The following AGAP1 variants were observed in gnomAD, a reference collection of about 807,000 sequenced individuals.
The protein encoded by AGAP1 is arf-GAP with GTPase, ANK repeat and PH domain-containing protein 1.
Under a neutral mutation model 105.3 loss-of-function variants are expected in AGAP1, and 29 were observed. The ratio of observed to expected loss-of-function variants is 0.28; its 90% CI spans 0.21 to 0.38. The LOEUF is 0.38. Among genes scored for constraint, AGAP1 ranks in the 10% least tolerant of loss-of-function variants. AGAP1 has a pLI of 1.00. For synonymous variants in AGAP1, 509 were observed against 485.9 expected (o/e 1.05, Z -0.63); for missense variants, 998 against 1,165.1 (o/e 0.86, Z 2.09).
intron 1 of AGAP1, among the ~76,000 whole-genome samples, chr2:235,571,738 T>C: frequency 6.6e-6 from 1 of 151,936 alleles, no homozygotes; most frequent in East Asian, 1.9e-4. Context: ...TAGTCAGTGC[T>C]CAATGAAGGG....
chr2:235,546,632 C>T (rs1943629782), intron 1 of AGAP1, among the ~76,000 whole-genome samples: 1 of 151,980 alleles, frequency 6.6e-6, no homozygotes. Context: ...GGGGACGTGG[C>T]TGGCGTGGTG....
intron 1 of AGAP1, among the ~76,000 whole-genome samples, chr2:235,527,223 C>T (rs1942873646): frequency 6.6e-6 from 1 of 152,142 alleles, no homozygotes; most frequent in Non-Finnish European, 1.5e-5. Flanking sequence ...ATTGGCCAGG[C>T]AAGCATCTCA....
intron 13 of AGAP1, among the ~76,000 whole-genome samples, chr2:236,013,474 G>A (rs2056588362): frequency 1.3e-5 from 2 of 152,182 alleles, no homozygotes; most frequent in African/African-American, 2.4e-5. Context: ...TCAGGAACAC[G>A]TTGGGGTTGA....
chr2:236,036,415 T>C lies in AGAP1; in HGVS notation c.1646-146T>C. On this transcript the variant is annotated intron_variant, in intron 13 of 17. Coordinates refer to ENST00000304032, the MANE Select transcript of AGAP1 (RefSeq NM_001037131.3). The surrounding 1 kb of genome is among the most constrained non-coding windows in gnomAD (Gnocchi z 5.7). The stretch of plus-strand genomic sequence containing the variant: ...GTTGGGAGGTGCATGGATTCAAATC[T>C]CCGCCGCCGTGGTTGTCCAGTGCCG... The C allele has an allele frequency of 9.4e-7, 1 of 1,068,726 alleles. No individual in the cohort carries two copies. The highest frequency in any genetic ancestry group is 1.6e-5 in the African/African-American group (1 of 62,862). 66.2% of individuals were successfully genotyped at this position (1,068,726 alleles called of 1,614,324 possible). A position where few individuals can be genotyped will look rare whatever the true frequency, so the allele number is the denominator to read the frequency against.
chr2:235,629,366 C>T (rs1215616124), intron 1 of AGAP1, among the ~76,000 whole-genome samples: 1 of 151,426 alleles, frequency 6.6e-6, no homozygotes, highest in African/African-American at 2.4e-5. Flanking sequence ...ATTGATGCCA[C>T]TGCCCATCTC....
At chr2:235,630,040 A>T (rs919074422) in intron 1 of AGAP1, among the ~76,000 whole-genome samples, 2 of 151,644 alleles carry the variant, frequency 1.3e-5, no homozygotes, top group South Asian at 4.2e-4. Context: ...ATTACATTTA[A>T]TTTTTTTTTC....
chr2:236,104,052 C>A lies in AGAP1; in HGVS notation c.2115-16140C>A, dbSNP rs1282402809. On this transcript the variant is annotated intron_variant, in intron 16 of 17. Coordinates refer to ENST00000304032, the MANE Select transcript of AGAP1 (RefSeq NM_001037131.3). The surrounding 1 kb of genome is among the most constrained non-coding windows in gnomAD (Gnocchi z 4.7). Reference sequence around the variant, plus strand: ...CGGGTAGGGAAATTGAATATTCAAACCCAGGCCTGCAGCAATGTGAAACCT... The same window carrying A: ...CGGGTAGGGAAATTGAATATTCAAAACCAGGCCTGCAGCAATGTGAAACCT... Among the ~76,000 whole-genome samples the A allele has an allele frequency of 6.6e-6, 1 of 152,180 alleles. No individual in the cohort carries two copies. Among genetic ancestry groups the A allele is most frequent in the Non-Finnish European group, 1.5e-5 (1 of 68,032 alleles).
intron 1 of AGAP1, among the ~76,000 whole-genome samples, chr2:235,562,222 A>AT (rs1309202309): frequency 6.6e-6 from 1 of 151,976 alleles, no homozygotes; most frequent in South Asian, 2.1e-4. Flanking sequence ...CTGTACCTTT[A>AT]TTTTCTCATG....
In AGAP1 at chr2:235,963,460, G is replaced by A. The variant is rs185415926; in HGVS notation, c.1484-5002G>A. Among the ~76,000 whole-genome samples, 1 of 152,274 alleles carries A rather than the reference G, an allele frequency of 6.6e-6. No individual in the cohort carries two copies. Among genetic ancestry groups the A allele is most frequent in the Non-Finnish European group, 1.5e-5 (1 of 68,020 alleles). ...ACAGAGGTAGTTTATTAAAGAGAAT[G>A]AATAGACATCAAATAGATGGCCCTT... On this transcript the variant is annotated intron_variant, in intron 12 of 17. Transcript: ENST00000304032. This position sits in a 1 kb window ranked among gnomAD's most constrained non-coding sequence, Gnocchi z 5.1.
chr2:235,771,997 AT>A (rs145021553), intron 6 of AGAP1, among the ~76,000 whole-genome samples: 41 of 131,680 alleles, frequency 3.1e-4, no homozygotes, highest in East Asian at 1.1e-3. Flanking sequence ...TTCTTTTCTT[AT>A]CTTTTTTTTT....
At position 235,789,067 on chromosome 2, in the gene AGAP1, G is replaced by A. The variant is rs142553815; in HGVS notation, c.674-8692G>A. 8.0e-3 allele frequency among the ~76,000 whole-genome samples: 1,217 copies of A among 152,320 alleles called. 8 individuals carry two copies. Among genetic ancestry groups the A allele is most frequent in the Non-Finnish European group, 0.01 (708 of 68,036 alleles). ...GTGCTTTGAAGGAGTGCATGGAAGA[G>A]GAAGGGATGTGTGTTTCCTGCAGCG... On this transcript the variant is annotated intron_variant, in intron 6 of 17. Coordinates refer to ENST00000304032, the MANE Select transcript of AGAP1 (RefSeq NM_001037131.3). This position sits in a 1 kb window ranked among gnomAD's most constrained non-coding sequence, Gnocchi z 4.2.
rs1051256467 is a variant in AGAP1, at chr2:235,655,852, C to G, written c.164-53327C>G. Among the ~76,000 whole-genome samples the G allele has an allele frequency of 2.0e-5, 3 of 152,126 alleles. No individual in the cohort carries two copies. On this transcript the variant is annotated intron_variant, in intron 1 of 17. Coordinates refer to ENST00000304032, the MANE Select transcript of AGAP1 (RefSeq NM_001037131.3). This position sits in a 1 kb window ranked among gnomAD's most constrained non-coding sequence, Gnocchi z 4.3. Reference sequence around the variant, plus strand: ...GTATTTTTTTAAGTGAGGCACCATCCTGGATGCTGGGGAAGAATCTTTGTT... The same window carrying G: ...GTATTTTTTTAAGTGAGGCACCATCGTGGATGCTGGGGAAGAATCTTTGTT...
In AGAP1 at chr2:235,535,451, C is replaced by G. The variant is rs770896241; in HGVS notation, c.163+40602C>G. ...TCACTGCCCTTTTTCTTTTTCCCAT[C>G]GAGGTGCAGGAGGAATTGATCTTAG... On this transcript the variant is annotated intron_variant, in intron 1 of 17. Transcript: ENST00000304032. This position sits in a 1 kb window ranked among gnomAD's most constrained non-coding sequence, Gnocchi z 5.1. 2.7e-5 allele frequency among the ~76,000 whole-genome samples: 4 copies of G among 150,910 alleles called. No homozygotes were observed. Among genetic ancestry groups the G allele is most frequent in the Non-Finnish European group, 4.4e-5 (3 of 67,860 alleles).
At chr2:235,516,055 T>TCTGCTG (rs112761133) in intron 1 of AGAP1, among the ~76,000 whole-genome samples, 61,610 of 138,422 alleles carry the variant, frequency 0.45, 13,681 homozygotes, top group Admixed American at 0.56. Context: ...CATGGGCTCC[T>TCTGCTG]CTGCTGCTGC....
In AGAP1 at chr2:235,702,934, G is replaced by GTTTTTTTTTT. The variant is rs549844265; in HGVS notation, c.164-6242_164-6233dup. 6.4e-4 allele frequency among the ~76,000 whole-genome samples: 57 copies of GTTTTTTTTTT among 88,954 alleles called. 8 individuals are homozygous for GTTTTTTTTTT. The highest frequency in any genetic ancestry group is 1.3e-3 in the South Asian group (2 of 1,496). 58.4% of individuals were successfully genotyped at this position (88,954 alleles called of 152,430 possible). ...TGGTCACTGTGAGCCAGTTTTCTTG[G>GTTTTTTTTTT]TTTTTTTTTTTTGGACAGAGTCTGG... On this transcript the variant is annotated intron_variant, in intron 1 of 17. Coordinates refer to ENST00000304032, the MANE Select transcript of AGAP1 (RefSeq NM_001037131.3).
At position 235,625,970 on chromosome 2, in the gene AGAP1, A is replaced by G. The variant is rs931722294; in HGVS notation, c.164-83209A>G. ...AATATTAGCAGAGCTATTTGTAAAAATAATGCACAGGCATTTGCTGCTGTA... is the reference window on the plus strand; with the variant it reads ...AATATTAGCAGAGCTATTTGTAAAAGTAATGCACAGGCATTTGCTGCTGTA... On this transcript the variant is annotated intron_variant, in intron 1 of 17. Transcript: ENST00000304032. This position sits in a 1 kb window ranked among gnomAD's most constrained non-coding sequence, Gnocchi z 4.0. Among the ~76,000 whole-genome samples, 1 of 152,210 alleles carries G rather than the reference A, an allele frequency of 6.6e-6. No homozygotes were observed. The highest frequency in any genetic ancestry group is 2.4e-5 in the African/African-American group (1 of 41,450).
intron 9 of AGAP1, among the ~76,000 whole-genome samples, chr2:235,815,841 G>A (rs978104987): frequency 2.0e-5 from 3 of 152,186 alleles, no homozygotes; most frequent in South Asian, 2.1e-4. Context: ...TACCAGGTGC[G>A]TAGCTCTCAC....
At chr2:235,512,237 G>GT (rs1216181958) in intron 1 of AGAP1, among the ~76,000 whole-genome samples, 1 of 152,236 alleles carries the variant, frequency 6.6e-6, no homozygotes, top group Non-Finnish European at 1.5e-5. Flanking sequence ...TTTTCTTTGA[G>GT]TATCTGTTTT....
intron 1 of AGAP1, among the ~76,000 whole-genome samples, chr2:235,572,997 CTTCT>C (rs1944588191): frequency 4.4e-5 from 1 of 22,490 alleles, no homozygotes; most frequent in African/African-American, 2.1e-4. Flanking sequence ...TCTTCTTCTT[CTTCT>C]TCTTCTTCTT....
Sources: gnomAD v4.1 joint callset for allele counts (sites outside exome capture counted in the v4.1 genomes callset) on GRCh38, gnomAD v4.1.1 for gene constraint, Gnocchi (gnomAD v3.1) non-coding constraint, MANE v1.5 for transcripts, NCBI Gene and HGNC (gene_info 2026-07-23, HGNC 2026-07-21) for gene names.